The following PTPN23 variants were observed in gnomAD, a reference collection of about 807,000 sequenced individuals.
PTPN23 encodes the protein protein tyrosine phosphatase non-receptor type 23, also known as tyrosine-protein phosphatase non-receptor type 23.
Under a neutral mutation model 156.3 loss-of-function variants are expected in PTPN23, and 72 were observed. That is an observed-to-expected ratio of 0.46 (90% CI 0.38 to 0.56). The LOEUF (loss-of-function observed/expected upper bound fraction) is 0.56. Ranked by LOEUF, PTPN23 falls within the 20% of genes least tolerant of loss-of-function variation. The probability of loss-of-function intolerance (pLI) is 0.00; values close to 1 mark genes in which losing one functional copy is unlikely to be tolerated. For missense variants in PTPN23, 1,974 were observed against 2,171.5 expected (o/e 0.91, Z 1.81); for synonymous variants, 957 against 899.6 (o/e 1.06, Z -1.14).
chr3:47,384,229 G>A lies in PTPN23; in HGVS notation c.84+3049G>A, dbSNP rs552515829. 9.2e-5 allele frequency among the ~76,000 whole-genome samples: 14 copies of A among 152,122 alleles called. No individual in the cohort carries two copies. The East Asian group carries it at 2.3e-3, about 25-fold the overall frequency. On this transcript the variant is annotated intron_variant, in intron 1 of 24. Coordinates refer to ENST00000265562, the MANE Select transcript of PTPN23 (RefSeq NM_015466.4). ...CACGCCTGTAATCCCAGCACTTTGG[G>A]AGGCCGAGGCGGGCAGATCACGAGG...
At chr3:47,396,098 CG>C in intron 1 of PTPN23, 44 bp from the exon 2 acceptor site, 1 of 1,525,842 alleles carries the variant, frequency 6.6e-7, no homozygotes, top group Non-Finnish European at 9.0e-7. Flanking sequence ...GAGGGCAAGG[CG>C]GGGGTCTTCT....
rs775826262 is a variant in PTPN23 at position 47,413,084 on chromosome 3, A to T, written c.4810A>T (p.Asn1604Tyr). 1.2e-6 allele frequency: 2 copies of T among 1,612,912 alleles called. No homozygotes were observed. Among genetic ancestry groups the T allele is most frequent in the Non-Finnish European group, 1.7e-6 (2 of 1,180,022 alleles). Residue 1604 changes from asparagine to tyrosine, a missense_variant, in exon 25 of 25, where the codon AAC (asparagine) becomes TAC (tyrosine). Physicochemically the swap from Asn to Tyr is moderately radical, Grantham distance 143. Coordinates refer to ENST00000265562, the MANE Select transcript of PTPN23 (RefSeq NM_015466.4). ...GGGCAAACAGCGGATGAGCAAGCATAACTTTCTGCAGGCCCATAACGGGCA... is the reference window on the plus strand; with the variant it reads ...GGGCAAACAGCGGATGAGCAAGCATTACTTTCTGCAGGCCCATAACGGGCA... ...LRGKQRMSKH[N>Y]FLQAHNGQGL...
Position 47,412,282 on chromosome 3 carries a change from G to A in PTPN23, c.4179-1G>A. The A allele has an allele frequency of 6.2e-7, 1 of 1,613,232 alleles. No individual in the cohort carries two copies. Among genetic ancestry groups the A allele is most frequent in the Non-Finnish European group, 8.5e-7 (1 of 1,179,774 alleles). ...GGCCTCATAACCCCTTCTTGGCACA[G>A]CTCTGGTGTGGGCCGCACGGGAGCC... On this transcript the variant is annotated splice_acceptor_variant, in intron 22 of 24. Coordinates refer to ENST00000265562, the MANE Select transcript of PTPN23 (RefSeq NM_015466.4). LOFTEE classifies it high-confidence loss of function.
intron 15 of PTPN23, 34 bp from the exon 16 acceptor site, chr3:47,408,742 C>T (rs373649353): frequency 6.4e-7 from 1 of 1,554,398 alleles, no homozygotes; most frequent in African/African-American, 1.4e-5. Flanking sequence ...GGTCAGCCTG[C>T]CTCAGGGGCT....
chr3:47,412,818 C>T lies in PTPN23; in HGVS notation c.4544C>T (p.Ser1515Phe). ...ATTCGGCCTCCTGGGGGGTTGGAGT[C>T]CCCGGTTGCCAGCTTGCCAGGCCCT... ...LSIRPPGGLE[S>F]PVASLPGPAE... Residue 1515 changes from serine (S) to phenylalanine (F), a missense_variant, in exon 25 of 25, where the codon TCC becomes TTC. By Grantham distance (155) the Ser-to-Phe change is radical. Around this residue, in one of 4 missense-constraint regions of PTPN23, gnomAD observed 484 missense variants for 516.0 expected, o/e 0.94. Transcript: ENST00000265562. 1.9e-6 allele frequency: 3 copies of T among 1,613,484 alleles called. No homozygotes were observed. The highest frequency in any genetic ancestry group is 2.7e-5 in the African/African-American group (2 of 75,030).
In PTPN23 at chr3:47,411,660, C is replaced by T. The variant is rs774987563; in HGVS notation, c.3862C>T (p.Leu1288=). The T allele has an allele frequency of 2.5e-6, 4 of 1,605,292 alleles. No homozygotes were observed. Among genetic ancestry groups the T allele is most frequent in the South Asian group, 1.1e-5 (1 of 90,906 alleles). ...GCAGAAAGTGTCAGTCATTGTCATG[C>T]TGGTTTCTGAGGCTGAGATGGAGAA... ...HEQKVSVIVM[L]VSEAEMEKQK... Residue 1288 remains leucine, a synonymous_variant, in exon 20 of 25, where the codon CTG becomes TTG. Transcript: ENST00000265562. The surrounding 1 kb of genome is among the most constrained non-coding windows in gnomAD (Gnocchi z 6.3).
chr3:47,405,666 G>A lies in PTPN23; in HGVS notation c.365-83G>A. ...TCAGAGCCATGTTGTCCTGATTGTGGATAACAGCAGTGCCCCCTCTGTCTC... is the reference window on the plus strand; with the variant it reads ...TCAGAGCCATGTTGTCCTGATTGTGAATAACAGCAGTGCCCCCTCTGTCTC... On this transcript the variant is annotated intron_variant, in intron 4 of 24. Transcript: ENST00000265562. The surrounding 1 kb of genome is among the most constrained non-coding windows in gnomAD (Gnocchi z 4.7). The A allele has an allele frequency of 1.4e-6, 2 of 1,396,580 alleles. No individual in the cohort carries two copies. Among genetic ancestry groups the A allele is most frequent in the Non-Finnish European group, 2.0e-6 (2 of 1,009,590 alleles). 86.5% of individuals were successfully genotyped at this position (1,396,580 alleles called of 1,614,324 possible). A position where few individuals can be genotyped will look rare whatever the true frequency, so the allele number is the denominator to read the frequency against.
Position 47,409,734 on chromosome 3 carries a change from G to A in PTPN23, c.2029G>A (p.Asp677Asn). The change falls in exon 19 of 25, where the codon GAC becomes AAC. Residue 677 changes from aspartate to asparagine, a missense_variant. Coordinates refer to ENST00000265562, the MANE Select transcript of PTPN23 (RefSeq NM_015466.4). Reference sequence around the variant, plus strand: ...GATGAAGAAGTCGCAGGAGGGCAGGGACTTCTACGCAGATCTGGAGAGCAA... The same window carrying A: ...GATGAAGAAGTCGCAGGAGGGCAGGAACTTCTACGCAGATCTGGAGAGCAA... ...DLMKKSQEGRDFYADLESKVA... is the reference protein window; with the variant it reads ...DLMKKSQEGRNFYADLESKVA... The A allele has an allele frequency of 6.2e-7, 1 of 1,607,344 alleles. No individual in the cohort carries two copies. The highest frequency in any genetic ancestry group is 1.7e-4 in the Middle Eastern group (1 of 6,058).
rs770834691 is a variant in PTPN23, at chr3:47,411,865, G to A, written c.3971G>A (p.Arg1324His). ...GALSLALSSVRSTETHVERVL... is the reference protein window; with the variant it reads ...GALSLALSSVHSTETHVERVL... ...CTGAGCCTGGCATTGAGCAGCGTCC[G>A]CAGCACCGAAACCCATGTGGAGCGC... The change falls in exon 21 of 25, where the codon CGC becomes CAC. Residue 1324 changes from arginine (R) to histidine (H), a missense_variant. Arg to His is a conservative substitution (Grantham distance 29, BLOSUM62 0). This residue lies in a region of PTPN23 where 484 missense variants were observed against 516.0 expected (regional missense o/e 0.94). Coordinates refer to ENST00000265562, the MANE Select transcript of PTPN23 (RefSeq NM_015466.4). The surrounding 1 kb of genome is among the most constrained non-coding windows in gnomAD (Gnocchi z 6.3). 1.5e-5 allele frequency: 24 copies of A among 1,613,042 alleles called. No individual in the cohort carries two copies. The highest frequency in any genetic ancestry group is 2.2e-5 in the East Asian group (1 of 44,842).
At chr3:47,383,741 C>T (rs552346822) in intron 1 of PTPN23, among the ~76,000 whole-genome samples, 1 of 152,332 alleles carries the variant, frequency 6.6e-6, no homozygotes, top group East Asian at 1.9e-4. Flanking sequence ...ATTGTGTGAC[C>T]AGTGACTTCC....
intron 2 of PTPN23, among the ~76,000 whole-genome samples, chr3:47,399,808 G>A (rs987305949): frequency 2.0e-5 from 3 of 152,116 alleles, no homozygotes; most frequent in Non-Finnish European, 2.9e-5. Flanking sequence ...AGTTGGACTA[G>A]ATCACTGTTT....
At chr3:47,386,158 G>A (rs896699699) in intron 1 of PTPN23, among the ~76,000 whole-genome samples, 1 of 152,002 alleles carries the variant, frequency 6.6e-6, no homozygotes, top group Non-Finnish European at 1.5e-5. Context: ...CAGAGTGCAC[G>A]CTGGTTTTTT....
At chr3:47,409,629 C>CT in intron 18 of PTPN23, 26 bp from the exon 19 acceptor site, 1 of 1,612,568 alleles carries the variant, frequency 6.2e-7, no homozygotes, top group Non-Finnish European at 8.5e-7. Context: ...CATGGTTCAC[C>CT]TGGAGCTGGC....
rs781711119 is a variant in PTPN23 at position 47,406,024 on chromosome 3, C to G, written c.524C>G (p.Thr175Arg). ...YSVDMSRQIL[T>R]LNVNLMLGQA... ...GTCGACATGAGCCGCCAGATCCTTA[C>G]GCTCAACGTCAACCTCATGCTGGTG... The change falls in exon 6 of 25, where the codon ACG (threonine) becomes AGG (arginine). Residue 175 changes from threonine to arginine, a missense_variant. Around this residue, in one of 4 missense-constraint regions of PTPN23, gnomAD observed 726 missense variants for 929.5 expected, o/e 0.78. Transcript: ENST00000265562. This position sits in a 1 kb window ranked among gnomAD's most constrained non-coding sequence, Gnocchi z 5.8. The G allele has an allele frequency of 6.2e-7, 1 of 1,613,054 alleles. No homozygotes were observed. The highest frequency in any genetic ancestry group is 1.3e-5 in the African/African-American group (1 of 74,924).
chr3:47,386,801 G>A (rs1278747004), intron 1 of PTPN23, among the ~76,000 whole-genome samples: 1 of 152,118 alleles, frequency 6.6e-6, no homozygotes, highest in Non-Finnish European at 1.5e-5. Context: ...TATTTGCAGC[G>A]GAACAGCTCC....
At position 47,413,006 on chromosome 3, in the gene PTPN23, G is replaced by A. The variant is rs1325551982; in HGVS notation, c.4732G>A (p.Glu1578Lys). ...PSSGPPSSSLELLASLTPEAF... is the reference protein window; with the variant it reads ...PSSGPPSSSLKLLASLTPEAF... Reference sequence around the variant, plus strand: ...CTCGGGGCCCCCCTCCTCCTCCCTGGAATTGCTGGCCTCCTTGACCCCAGA... The same window carrying A: ...CTCGGGGCCCCCCTCCTCCTCCCTGAAATTGCTGGCCTCCTTGACCCCAGA... Residue 1578 changes from glutamate (E) to lysine (K), a missense_variant, in exon 25 of 25, where the codon GAA (glutamate) becomes AAA (lysine). Physicochemically the swap from Glu to Lys is moderately conservative, Grantham distance 56. This residue lies in a region of PTPN23 where 484 missense variants were observed against 516.0 expected (regional missense o/e 0.94). Transcript: ENST00000265562. 6.2e-7 allele frequency: 1 copy of A among 1,612,574 alleles called. No individual in the cohort carries two copies. The highest frequency in any genetic ancestry group is 1.3e-5 in the African/African-American group (1 of 74,988).
In PTPN23 at chr3:47,411,883, T is replaced by C; in HGVS notation, c.3989T>C (p.Val1330Ala). The change falls in exon 21 of 25, where the codon GTG (valine) becomes GCG (alanine). Residue 1330 changes from valine to alanine, a missense_variant. By Grantham distance (64) the Val-to-Ala change is moderately conservative (BLOSUM62 0). Around this residue, in one of 4 missense-constraint regions of PTPN23, gnomAD observed 484 missense variants for 516.0 expected, o/e 0.94. Coordinates refer to ENST00000265562, the MANE Select transcript of PTPN23 (RefSeq NM_015466.4). This position sits in a 1 kb window ranked among gnomAD's most constrained non-coding sequence, Gnocchi z 6.3. ...LSSVRSTETH[V>A]ERVLSLQFRD... The stretch of plus-strand genomic sequence containing the variant: ...AGCGTCCGCAGCACCGAAACCCATG[T>C]GGAGCGCGTGCTGAGCCTGCAGTTC... The C allele has an allele frequency of 6.2e-7, 1 of 1,613,318 alleles. No homozygotes were observed. Among genetic ancestry groups the C allele is most frequent in the South Asian group, 1.1e-5 (1 of 91,074 alleles).
Position 47,410,354 on chromosome 3 carries a change from G to A in PTPN23, c.2556G>A (p.Gly852=). 4.4e-6 allele frequency: 7 copies of A among 1,608,526 alleles called. No homozygotes were observed. The highest frequency in any genetic ancestry group is 5.9e-6 in the Non-Finnish European group (7 of 1,177,762). ...GVVSSPYVGV[G]PAPPVAGLPS... ...TGAGCAGTCCCTATGTGGGGGTAGG[G>A]CCGGCCCCACCAGTTGCAGGTCTCC... Residue 852 remains glycine (G), a synonymous_variant, in exon 20 of 25, where the codon GGG becomes GGA. Coordinates refer to ENST00000265562, the MANE Select transcript of PTPN23 (RefSeq NM_015466.4).
At chr3:47,388,384 T>G (rs1012181633) in intron 1 of PTPN23, among the ~76,000 whole-genome samples, 4 of 152,238 alleles carry the variant, frequency 2.6e-5, no homozygotes, top group African/African-American at 9.6e-5. Flanking sequence ...TGCTTATTTT[T>G]TTTTAGAGAT....
Sources: gnomAD v4.1 joint callset for allele counts (sites outside exome capture counted in the v4.1 genomes callset) on GRCh38, gnomAD v4.1.1 for gene constraint, gnomAD v4.1.1 regional missense constraint, Gnocchi (gnomAD v3.1) non-coding constraint, MANE v1.5 for transcripts, NCBI Gene and HGNC (gene_info 2026-07-23, HGNC 2026-07-21) for gene names.